The following ULK2 variants were observed in gnomAD, a reference collection of about 807,000 sequenced individuals.
ULK2 encodes unc-51 like autophagy activating kinase 2.
A neutral mutation model predicts 127.5 loss-of-function variants in ULK2; 76 were observed. The observed-to-expected ratio is 0.60, with a 90% CI of 0.50 to 0.72. ULK2 has a LOEUF of 0.72. Ranked by LOEUF, ULK2 falls within the 30% of genes least tolerant of loss-of-function variation. ULK2 has a pLI of 0.00. For synonymous variants in ULK2, 452 were observed against 461.9 expected (o/e 0.98, Z 0.28); for missense variants, 1,144 against 1,295.9 (o/e 0.88, Z 1.80).
intron 22 of ULK2, among the ~76,000 whole-genome samples, chr17:19,782,340 AAAAG>A (rs752371627): frequency 5.3e-4 from 80 of 152,262 alleles, no homozygotes; most frequent in Non-Finnish European, 9.3e-4. Context: ...CCAGAAAAAG[AAAAG>A]AAAGCTGAAC....
intron 14 of ULK2, 141 bp from the exon 15 acceptor site, chr17:19,804,971 T>A: frequency 1.0e-6 from 1 of 983,364 alleles, no homozygotes; most frequent in Non-Finnish European, 1.3e-6. Context: ...ATGATCTTGT[T>A]AAAAAATATA....
chr17:19,867,631 C>T lies in ULK2; in HGVS notation c.-214G>A, dbSNP rs1331765459. 4.0e-5 allele frequency: 11 copies of T among 271,690 alleles called. No individual in the cohort carries two copies. The South Asian group carries it at 6.6e-4, about 16-fold the overall frequency. 16.8% of individuals were successfully genotyped at this position (271,690 alleles called of 1,614,324 possible). On this transcript the variant is annotated 5_prime_UTR_variant, in exon 1 of 27. Coordinates refer to ENST00000395544, the MANE Select transcript of ULK2 (RefSeq NM_014683.4). ...AGGGTCAGCGAGGCCCGGCCCGGCC[C>T]CTGCCGCTCATGGCCCGGCCTGCCG...
At chr17:19,860,148 TA>T (rs1192303249) in intron 3 of ULK2, among the ~76,000 whole-genome samples, 1 of 152,232 alleles carries the variant, frequency 6.6e-6, no homozygotes, top group Non-Finnish European at 1.5e-5. Flanking sequence ...TAGAAAATTC[TA>T]AAACAAATAT....
intron 16 of ULK2, 97 bp downstream of exon 16, chr17:19,801,680 T>TTCG: frequency 2.0e-6 from 3 of 1,535,406 alleles, no homozygotes; most frequent in Non-Finnish European, 2.7e-6. Flanking sequence ...TGAGAATCAC[T>TTCG]GCCATCATGA....
intron 8 of ULK2, among the ~76,000 whole-genome samples, chr17:19,842,359 G>A (rs188274276): frequency 6.3e-4 from 96 of 151,558 alleles, no homozygotes; most frequent in African/African-American, 2.2e-3. Context: ...CACCACACCC[G>A]GCTAATTTTG....
Position 19,838,553 on chromosome 17 carries a change from A to G in ULK2, c.735T>C (p.Ala245=), listed in dbSNP as rs779344729. The G allele has an allele frequency of 3.1e-6, 5 of 1,613,234 alleles. No homozygotes were observed. Among genetic ancestry groups the G allele is most frequent in the Non-Finnish European group, 4.2e-6 (5 of 1,179,800 alleles). The change falls in exon 10 of 27, where the codon GCT becomes GCC. Residue 245 remains alanine (A), a synonymous_variant. Coordinates refer to ENST00000395544, the MANE Select transcript of ULK2 (RefSeq NM_014683.4). ...SIPRETSPYL[A]NLLLGLLQRN... is the part of the protein sequence containing the mutation. ...TCTGAAGCAAACCCAAAAGGAGATT[A>G]GCCAAATAAGGTGATGTTTCTCTGG...
intron 6 of ULK2, 133 bp from the exon 7 acceptor site, chr17:19,845,510 C>A: frequency 9.8e-6 from 6 of 614,296 alleles, no homozygotes; most frequent in South Asian, 2.4e-5. Flanking sequence ...ATTAGACTGT[C>A]CACCAAAAAA....
intron 13 of ULK2, among the ~76,000 whole-genome samples, chr17:19,813,780 GTATCAAAACACAT>G (rs1306264870): frequency 6.6e-6 from 1 of 152,138 alleles, no homozygotes; most frequent in East Asian, 1.9e-4. Flanking sequence ...GTATAAAAAT[GTATCAAAACACAT>G]TAAAGAAACC....
At position 19,782,048 on chromosome 17, in the gene ULK2, A is replaced by C; in HGVS notation, c.2480T>G (p.Leu827Ter). ...CATCAGCATCACATTCAGATGGCGT[A>C]AGGTGTCTGTGTGTTCCCGCTGCAG... ...TLMEREHTDT[L>*]RHLNVMLMFT... The change falls in exon 23 of 27, where the codon TTA becomes TGA. Residue 827 changes from leucine (L) to a stop codon, truncating the protein, a stop_gained. Coordinates refer to ENST00000395544, the MANE Select transcript of ULK2 (RefSeq NM_014683.4). LOFTEE classifies it high-confidence loss of function. The C allele has an allele frequency of 1.2e-6, 2 of 1,614,142 alleles. No homozygotes were observed. The highest frequency in any genetic ancestry group is 1.7e-6 in the Non-Finnish European group (2 of 1,180,024).
chr17:19,848,735 CCACTG>C (rs1469094226), intron 5 of ULK2, among the ~76,000 whole-genome samples: 1 of 151,950 alleles, frequency 6.6e-6, no homozygotes, highest in Non-Finnish European at 1.5e-5. Context: ...CAAGAATGCA[CCACTG>C]CACTGCAGCC....
intron 12 of ULK2, among the ~76,000 whole-genome samples, chr17:19,818,263 C>T (rs916479351): frequency 6.7e-6 from 1 of 149,374 alleles, no homozygotes; most frequent in Non-Finnish European, 1.5e-5. Flanking sequence ...GCGGAGCTTG[C>T]AGTGAGCCAA....
At chr17:19,805,758 T>C (rs567953706) in intron 14 of ULK2, among the ~76,000 whole-genome samples, 4 of 152,068 alleles carry the variant, frequency 2.6e-5, no homozygotes, top group Admixed American at 6.5e-5. Context: ...GCAGATACCT[T>C]TGAACCACAA....
intron 20 of ULK2, among the ~76,000 whole-genome samples, chr17:19,789,186 G>A (rs533817047): frequency 2.0e-5 from 3 of 152,320 alleles, no homozygotes; most frequent in African/African-American, 2.4e-5. Context: ...AGTGGTGGTG[G>A]CCACAGGGGT....
intron 8 of ULK2, among the ~76,000 whole-genome samples, chr17:19,842,678 G>C (rs2041793877): frequency 6.6e-6 from 1 of 152,056 alleles, no homozygotes; most frequent in Non-Finnish European, 1.5e-5. Context: ...AGGAGGAGAA[G>C]ACAGACCCAT....
At chr17:19,838,799 A>G (rs1198745796) in intron 9 of ULK2, among the ~76,000 whole-genome samples, 1 of 152,054 alleles carries the variant, frequency 6.6e-6, no homozygotes, top group Non-Finnish European at 1.5e-5. Context: ...AGGCCGAGAC[A>G]GGTGGATCAT....
intron 20 of ULK2, among the ~76,000 whole-genome samples, chr17:19,791,614 G>A (rs1016364213): frequency 6.6e-6 from 1 of 152,142 alleles, no homozygotes; most frequent in African/African-American, 2.4e-5. Context: ...GAACCCAGGA[G>A]GAGGAGGTTG....
chr17:19,846,904 C>T lies in ULK2; in HGVS notation c.302G>A (p.Gly101Glu). Residue 101 changes from glycine (G) to glutamate (E), a missense_variant, in exon 6 of 27, where the codon GGG becomes GAG. Coordinates refer to ENST00000395544, the MANE Select transcript of ULK2 (RefSeq NM_014683.4). The stretch of plus-strand genomic sequence containing the variant: ...TCTGATCGTGTCTTCACTGAGAGTC[C>T]CTTTCGCTGGTACAAAAGGAGTCAC... ...GDLADYLQAK[G>E]TLSEDTIRVF... 6.2e-7 allele frequency: 1 copy of T among 1,606,706 alleles called. No homozygotes were observed. Among genetic ancestry groups the T allele is most frequent in the Non-Finnish European group, 8.5e-7 (1 of 1,177,020 alleles).
chr17:19,816,991 G>A (rs1038318491), intron 12 of ULK2, 71 bp from the exon 13 acceptor site: 86 of 1,442,182 alleles, frequency 6.0e-5, no homozygotes, highest in Non-Finnish European at 7.8e-5. Context: ...ACTAGACTAA[G>A]GAATTTTTTT....
chr17:19,842,258 T>C (rs1209036237), intron 8 of ULK2, among the ~76,000 whole-genome samples: 3 of 142,738 alleles, frequency 2.1e-5, no homozygotes, highest in Admixed American at 7.6e-5. Context: ...AGTGCAATGG[T>C]GTGATCTCGG....
Sources: allele counts gnomAD v4.1 joint callset (sites outside exome capture counted in the v4.1 genomes callset), GRCh38; gene constraint gnomAD v4.1.1; transcripts MANE v1.5; gene names NCBI Gene and HGNC (gene_info 2026-07-23, HGNC 2026-07-21).